CEP192: variants seen among roughly 807,000 people sequenced by gnomAD.
The protein encoded by CEP192 is centrosomal protein of 192 kDa.
In CEP192, 151 loss-of-function variants were observed where a neutral mutation model predicts 271.8. That is an observed-to-expected ratio of 0.56 (90% CI 0.49 to 0.64). CEP192 has a LOEUF of 0.64. Among genes scored for constraint, CEP192 ranks in the 30% least tolerant of loss-of-function variants. The pLI, the probability that CEP192 is intolerant of heterozygous loss-of-function variation, is 0.00. For missense variants in CEP192, 2,910 were observed against 3,020.5 expected (o/e 0.96, Z 0.86); for synonymous variants, 995 against 1,076.5 (o/e 0.92, Z 1.48).
intron 40 of CEP192, among the ~76,000 whole-genome samples, chr18:13,110,994 C>G (rs2040184986): frequency 6.6e-6 from 1 of 152,202 alleles, no homozygotes; most frequent in Non-Finnish European, 1.5e-5. Context: ...TAGGGTGGGC[C>G]TTCCTCTCCC....
chr18:13,057,864 TTC>T (rs1337570893), intron 20 of CEP192, 131 bp downstream of exon 20: 3 of 758,402 alleles, frequency 4.0e-6, no homozygotes, highest in African/African-American at 3.5e-5. Flanking sequence ...CATGGTATCT[TTC>T]TCTCAGACCC....
chr18:13,124,670 C>T lies in CEP192; in HGVS notation c.7514C>T (p.Pro2505Leu), dbSNP rs199981193. 17 of 1,613,850 alleles carry T rather than the reference C, an allele frequency of 1.1e-5. No homozygotes were observed. Among genetic ancestry groups the T allele is most frequent in the African/African-American group, 1.3e-5 (1 of 74,890 alleles). The change falls in exon 45 of 45, where the codon CCG becomes CTG. Residue 2505 changes from proline (P) to leucine (L), a missense_variant. By Grantham distance (98) the Pro-to-Leu change is moderately conservative. Coordinates refer to ENST00000506447, the MANE Select transcript of CEP192 (RefSeq NM_032142.4). ...ATCAACATGCCCGTGCAGTTCAAAC[C>T]GAAGTCCGCAGGCAAATTTGAAGCT... ...HYINMPVQFK[P>L]KSAGKFEALL...
intron 42 of CEP192, among the ~76,000 whole-genome samples, chr18:13,114,668 GATT>G (rs1041861079): frequency 1.1e-4 from 17 of 152,110 alleles, no homozygotes; most frequent in Admixed American, 1.0e-3. Flanking sequence ...AATTTGGAAT[GATT>G]ATTAATTAAG....
At chr18:13,012,173 T>C (rs1228520347) in intron 4 of CEP192, among the ~76,000 whole-genome samples, 1 of 152,228 alleles carries the variant, frequency 6.6e-6, no homozygotes, top group Non-Finnish European at 1.5e-5. Context: ...GAGTGATTGC[T>C]AATGGGTATA....
intron 11 of CEP192, among the ~76,000 whole-genome samples, chr18:13,036,613 C>T (rs2035930859): frequency 6.6e-6 from 1 of 152,168 alleles, no homozygotes; most frequent in African/African-American, 2.4e-5. Flanking sequence ...AAATCCACCA[C>T]TCCCAGTTGT....
chr18:13,020,068 C>T (rs1163348160), intron 9 of CEP192, among the ~76,000 whole-genome samples: 3 of 152,148 alleles, frequency 2.0e-5, no homozygotes, highest in African/African-American at 7.2e-5. Flanking sequence ...ACCTTGACTT[C>T]CCAAATTGCT....
At chr18:12,993,750 C>T in intron 1 of CEP192, among the ~76,000 whole-genome samples, 1 of 147,822 alleles carries the variant, frequency 6.8e-6, no homozygotes. Context: ...TTAATTCTCT[C>T]TTTCAGCCTC....
chr18:13,082,112 C>G (rs1415617948), intron 30 of CEP192, among the ~76,000 whole-genome samples: 1 of 152,132 alleles, frequency 6.6e-6, no homozygotes, highest in East Asian at 1.9e-4. Flanking sequence ...CTGTAGATGT[C>G]TATTAGGTCC....
chr18:13,034,657 A>AG (rs1445228411), intron 11 of CEP192, among the ~76,000 whole-genome samples: 1 of 151,110 alleles, frequency 6.6e-6, no homozygotes, highest in Non-Finnish European at 1.5e-5. Flanking sequence ...AAAAAAAAAA[A>AG]TACAAAAAAT....
intron 21 of CEP192, among the ~76,000 whole-genome samples, chr18:13,062,235 G>A (rs2037448784): frequency 6.6e-6 from 1 of 152,138 alleles, no homozygotes. Flanking sequence ...TGCCTTCTTG[G>A]AGGAGTGGAA....
In CEP192 at chr18:13,095,617, G is replaced by C. The variant is rs1232870268; in HGVS notation, c.6369G>C (p.Gln2123His). 1.2e-6 allele frequency: 2 copies of C among 1,614,220 alleles called. No individual in the cohort carries two copies. Among genetic ancestry groups the C allele is most frequent in the Non-Finnish European group, 1.7e-6 (2 of 1,180,036 alleles). ...LSRAARPPLD[Q>H]LASEEPWTVL... ...GGGCGGCTCGCCCGCCTCTGGATCA[G>C]CTGGCCTCCGAAGAGCCGTGGACTG... Residue 2123 changes from glutamine (Q) to histidine (H), a missense_variant, in exon 35 of 45, where the codon CAG becomes CAC. Gln to His is a conservative substitution (Grantham distance 24). Coordinates refer to ENST00000506447, the MANE Select transcript of CEP192 (RefSeq NM_032142.4).
At chr18:13,107,943 A>G (rs1236899863) in intron 40 of CEP192, among the ~76,000 whole-genome samples, 1 of 152,206 alleles carries the variant, frequency 6.6e-6, no homozygotes, top group Non-Finnish European at 1.5e-5. Context: ...TAGCAAAACA[A>G]AAACAGACAT....
intron 1 of CEP192, among the ~76,000 whole-genome samples, chr18:12,993,251 C>G (rs769897276): frequency 2.0e-5 from 3 of 151,988 alleles, no homozygotes; most frequent in Non-Finnish European, 4.4e-5. Context: ...AAGATAACGG[C>G]GGGAATGAAT....
chr18:13,011,220 CTG>C (rs2034334337), intron 4 of CEP192, among the ~76,000 whole-genome samples: 1 of 104,698 alleles, frequency 9.6e-6, no homozygotes, highest in African/African-American at 4.7e-5. Context: ...GAGAGAGACT[CTG>C]TCTCAAAAAA....
chr18:13,092,425 G>A lies in CEP192; in HGVS notation c.6152G>A (p.Ser2051Asn), dbSNP rs2027698. ...AATGATGTTCAGCTCTTTTATGGAA[G>A]CATGTGTAAAATTATACTTTCAGTA... The part of the protein sequence containing the change: ...RPNDVQLFYG[S>N]MCKIILSVIG... Residue 2051 changes from serine (S) to asparagine (N), a missense_variant, in exon 34 of 45, where the codon AGC (serine) becomes AAC (asparagine). Coordinates refer to ENST00000506447, the MANE Select transcript of CEP192 (RefSeq NM_032142.4). The A allele has an allele frequency of 0.042, 67,109 of 1,602,604 alleles. 2,167 individuals carry two copies. Among genetic ancestry groups the A allele is most frequent in the East Asian group, 0.18 (7,927 of 44,560 alleles).
chr18:13,038,503 G>A lies in CEP192; in HGVS notation c.1733G>A (p.Arg578His), dbSNP rs777960950. Residue 578 changes from arginine (R) to histidine (H), a missense_variant, in exon 13 of 45, where the codon CGT (arginine) becomes CAT (histidine). Physicochemically the swap from Arg to His is conservative, Grantham distance 29 (BLOSUM62 0). Transcript: ENST00000506447. ...GATAAAGATGATGCCAGTTATTTAC[G>A]TCTGTCTTTAGGAGAGTTCTTTGCT... Reference protein sequence around the residue: ...DLDKDDASYLRLSLGEFFAQR... With the variant: ...DLDKDDASYLHLSLGEFFAQR... 16 of 1,551,504 alleles carry A rather than the reference G, an allele frequency of 1.0e-5. No individual in the cohort carries two copies. The highest frequency in any genetic ancestry group is 2.4e-5 in the East Asian group (1 of 40,926).
chr18:13,070,512 C>T (rs1184396041), intron 27 of CEP192, among the ~76,000 whole-genome samples: 2 of 152,244 alleles, frequency 1.3e-5, no homozygotes. Context: ...AAGCCCATGA[C>T]TTCTTGGCAC....
chr18:13,099,117 C>G lies in CEP192; in HGVS notation c.6558-359C>G, dbSNP rs992033715. ...ATCAGGCAGGGAGGTTGCAGTGAGC[C>G]GAGATGGCAGCAGTACAGTCCAGCT... On this transcript the variant is annotated intron_variant, in intron 36 of 44. Coordinates refer to ENST00000506447, the MANE Select transcript of CEP192 (RefSeq NM_032142.4). Among the ~76,000 whole-genome samples, 4 of 139,810 alleles carry G rather than the reference C, an allele frequency of 2.9e-5. No individual in the cohort carries two copies. The Admixed American group carries it at 3.1e-4, about 11-fold the overall frequency. 91.7% of individuals were successfully genotyped at this position (139,810 alleles called of 152,430 possible).
chr18:13,038,933 G>A (rs1001814270), intron 13 of CEP192, among the ~76,000 whole-genome samples: 9 of 152,206 alleles, frequency 5.9e-5, no homozygotes, highest in Non-Finnish European at 1.2e-4. Context: ...TTGTTGGTTG[G>A]TGTGAAGAAT....
Sources: gnomAD v4.1 joint callset for allele counts (sites outside exome capture counted in the v4.1 genomes callset) on GRCh38, gnomAD v4.1.1 for gene constraint, MANE v1.5 for transcripts, NCBI Gene and HGNC (gene_info 2026-07-23, HGNC 2026-07-21) for gene names.